SHISAL2B: variants seen among roughly 807,000 people sequenced by gnomAD.
The protein encoded by SHISAL2B is shisa like 2B.
SHISAL2B carries 12 observed loss-of-function variants against 16.5 expected under a neutral mutation model. The ratio of observed to expected loss-of-function variants is 0.73; its 90% confidence interval spans 0.47 to 1.18. The LOEUF is 1.18. Ranked by LOEUF, SHISAL2B falls within the 50% of genes most tolerant of loss-of-function variation. The pLI, the probability that SHISAL2B is intolerant of heterozygous loss-of-function variation, is 0.00. For synonymous variants in SHISAL2B, 72 were observed against 75.0 expected (o/e 0.96, Z 0.21); for missense variants, 183 against 193.6 (o/e 0.95, Z 0.33).
intron 2 of SHISAL2B, among the ~76,000 whole-genome samples, chr5:64,708,166 C>A (rs555873246): frequency 6.6e-6 from 1 of 152,108 alleles, no homozygotes; most frequent in South Asian, 2.1e-4. Flanking sequence ...GGAACACATA[C>A]CAATAACCTT....
chr5:64,696,365 C>T (rs538416758), intron 2 of SHISAL2B, among the ~76,000 whole-genome samples: 290 of 152,184 alleles, frequency 1.9e-3, no homozygotes, highest in African/African-American at 6.6e-3. Flanking sequence ...AATATGAAAT[C>T]AGTGCACCTT....
intron 2 of SHISAL2B, among the ~76,000 whole-genome samples, chr5:64,696,851 G>T (rs1741744736): frequency 6.6e-6 from 1 of 152,190 alleles, no homozygotes; most frequent in Non-Finnish European, 1.5e-5. Context: ...TGTGATCTTT[G>T]CTTTGCTCTT....
chr5:64,694,585 A>G (rs547203031), intron 1 of SHISAL2B, among the ~76,000 whole-genome samples: 2 of 152,366 alleles, frequency 1.3e-5, no homozygotes, highest in South Asian at 4.1e-4. Flanking sequence ...AATCAGATAC[A>G]CATTTATTTT....
At chr5:64,696,082 A>G (rs981517629) in intron 2 of SHISAL2B, among the ~76,000 whole-genome samples, 1 of 152,224 alleles carries the variant, frequency 6.6e-6, no homozygotes, top group Non-Finnish European at 1.5e-5. Flanking sequence ...TGAAGATTTC[A>G]TTTTAATATG....
intron 2 of SHISAL2B, among the ~76,000 whole-genome samples, chr5:64,714,952 G>A (rs1323072798): frequency 6.6e-6 from 1 of 152,148 alleles, no homozygotes; most frequent in Non-Finnish European, 1.5e-5. Flanking sequence ...GCACTCCCTA[G>A]TGAGATGAAC....
chr5:64,714,702 C>T (rs1418677693), intron 2 of SHISAL2B, among the ~76,000 whole-genome samples: 2 of 152,162 alleles, frequency 1.3e-5, no homozygotes, highest in South Asian at 2.1e-4. Flanking sequence ...ATTCCGTGGG[C>T]GTAGGACCCT....
rs769606323 is a variant in SHISAL2B, at chr5:64,690,729, T to C, written c.106T>C (p.Cys36Arg). Residue 36 changes from cysteine to arginine, a missense_variant, in exon 1 of 3, where the codon TGC (cysteine) becomes CGC (arginine). Transcript: ENST00000389074. ...RRGEGAALQYCCGFADLKYCC... is the reference protein window; with the variant it reads ...RRGEGAALQYRCGFADLKYCC... ...CGGCGAGGGGGCAGCGCTCCAGTAT[T>C]GCTGCGGCTTCGCCGACCTCAAGTA... 19 of 1,537,480 alleles carry C rather than the reference T, an allele frequency of 1.2e-5. No individual in the cohort carries two copies. Among genetic ancestry groups the C allele is most frequent in the Admixed American group, 2.0e-5 (1 of 51,032 alleles).
At chr5:64,703,576 G>A (rs1741838448) in intron 2 of SHISAL2B, among the ~76,000 whole-genome samples, 1 of 152,234 alleles carries the variant, frequency 6.6e-6, no homozygotes, top group Non-Finnish European at 1.5e-5. Context: ...AAACCAATAA[G>A]CAAAATAGAA....
intron 2 of SHISAL2B, among the ~76,000 whole-genome samples, chr5:64,711,316 T>C (rs1468402525): frequency 7.0e-4 from 101 of 145,208 alleles, no homozygotes; most frequent in African/African-American, 2.6e-3. Flanking sequence ...TTGTCTTTGG[T>C]TCTGTTTATA....
Position 64,690,536 on chromosome 5 carries a change from A to G in SHISAL2B, c.-88A>G. On this transcript the variant is annotated 5_prime_UTR_variant, in exon 1 of 3. Transcript: ENST00000389074. ...GATCGGAAGAGCCGAGTCCGGGCAG[A>G]GGGGTCCGCGGGCTCTGGAGGTGCT... is the stretch of plus-strand genomic sequence containing the variant. The G allele has an allele frequency of 1.8e-6, 2 of 1,141,030 alleles. No individual in the cohort carries two copies. The highest frequency in any genetic ancestry group is 3.9e-5 in the South Asian group (2 of 51,232). 70.7% of individuals were successfully genotyped at this position (1,141,030 alleles called of 1,614,324 possible).
At chr5:64,709,723 T>C (rs1175235152) in intron 2 of SHISAL2B, among the ~76,000 whole-genome samples, 4 of 150,402 alleles carry the variant, frequency 2.7e-5, no homozygotes, top group South Asian at 2.1e-4. Flanking sequence ...TTTTAATGAT[T>C]GCCATTCTAA....
chr5:64,704,509 G>A (rs1035559956), intron 2 of SHISAL2B, among the ~76,000 whole-genome samples: 1 of 152,166 alleles, frequency 6.6e-6, no homozygotes, highest in East Asian at 1.9e-4. Flanking sequence ...CAAAAACAAA[G>A]AATGGAAATA....
intron 2 of SHISAL2B, among the ~76,000 whole-genome samples, chr5:64,716,010 C>A (rs1435314097): frequency 6.6e-6 from 1 of 152,136 alleles, no homozygotes; most frequent in South Asian, 2.1e-4. Context: ...TTTAAGTATG[C>A]ACCAATTTAC....
chr5:64,705,473 C>T lies in SHISAL2B; in HGVS notation c.349+9809C>T, dbSNP rs554744094. On this transcript the variant is annotated intron_variant, in intron 2 of 2. Transcript: ENST00000389074. ...GGAAACATGAGGGACTTTAACACTA[C>T]ACTTTTTAGATTTCCAGGAATTCAA... 2.2e-3 allele frequency among the ~76,000 whole-genome samples: 333 copies of T among 152,278 alleles called. 1 individual carries two copies. The highest frequency in any genetic ancestry group is 4.1e-3 in the Non-Finnish European group (277 of 68,014).
chr5:64,718,044 T>A lies in SHISAL2B; in HGVS notation c.*22T>A. On this transcript the variant is annotated 3_prime_UTR_variant, in exon 3 of 3. Coordinates refer to ENST00000389074, the MANE Select transcript of SHISAL2B (RefSeq NM_001164442.2). ...TTAACTAAAAATTCTGTGTTTTAAA[T>A]GCTTACTGGAGAGATGGGACAATAA... The A allele has an allele frequency of 6.7e-7, 1 of 1,490,366 alleles. No individual in the cohort carries two copies. Among genetic ancestry groups the A allele is most frequent in the Non-Finnish European group, 8.8e-7 (1 of 1,133,150 alleles). 92.3% of individuals were successfully genotyped at this position (1,490,366 alleles called of 1,614,324 possible). A position where few individuals can be genotyped will look rare whatever the true frequency, so the allele number is the denominator to read the frequency against.
rs555869622 is a variant in SHISAL2B, at chr5:64,709,643, C to G, written c.350-8246C>G. Among the ~76,000 whole-genome samples, 8 of 150,406 alleles carry G rather than the reference C, an allele frequency of 5.3e-5. 1 individual carries two copies. Among genetic ancestry groups the G allele is most frequent in the Admixed American group, 5.3e-4 (8 of 15,208 alleles). On this transcript the variant is annotated intron_variant, in intron 2 of 2. Transcript: ENST00000389074. The stretch of plus-strand genomic sequence containing the variant: ...CTTCCACAATGGTTGAACTAGTTTA[C>G]AGTCCCACCAACAGTGTAAAAGTGT...
intron 1 of SHISAL2B, among the ~76,000 whole-genome samples, chr5:64,694,848 TCTTTC>T (rs1221703689): frequency 2.6e-5 from 4 of 152,228 alleles, no homozygotes; most frequent in Non-Finnish European, 5.9e-5. Context: ...GTGAACCCAA[TCTTTC>T]CTTCTAAAGT....
At chr5:64,700,037 C>T (rs960835306) in intron 2 of SHISAL2B, among the ~76,000 whole-genome samples, 2 of 152,128 alleles carry the variant, frequency 1.3e-5, no homozygotes, top group Non-Finnish European at 2.9e-5. Flanking sequence ...TTTTGTGTTT[C>T]GGGTTATGCA....
chr5:64,695,772 T>C, intron 2 of SHISAL2B, 108 bp downstream of exon 2: 1 of 810,460 alleles, frequency 1.2e-6, no homozygotes, highest in Non-Finnish European at 1.8e-6. Context: ...AAAAATTCAG[T>C]TCACTATGTG....
Sources: allele counts gnomAD v4.1 joint callset (sites outside exome capture counted in the v4.1 genomes callset), GRCh38; gene constraint gnomAD v4.1.1; transcripts MANE v1.5; gene names NCBI Gene and HGNC (gene_info 2026-07-23, HGNC 2026-07-21).